TDRD9: variants seen among roughly 807,000 people sequenced by gnomAD.
The protein encoded by TDRD9 is tudor domain containing 9.
TDRD9 carries 124 observed loss-of-function variants against 172.6 expected under a neutral mutation model. The ratio of observed to expected loss-of-function variants is 0.72; its 90% confidence interval spans 0.62 to 0.83. TDRD9 has a LOEUF of 0.83. Ranked by LOEUF, TDRD9 falls within the 40% of genes least tolerant of loss-of-function variation. The pLI is 0.00. For synonymous variants in TDRD9, 619 were observed against 617.1 expected (o/e 1.00, Z -0.05); for missense variants, 1,479 against 1,714.1 (o/e 0.86, Z 2.42).
intron 6 of TDRD9, 114 bp from the exon 7 acceptor site, chr14:103,975,275 G>T: frequency 4.3e-6 from 4 of 935,526 alleles, no homozygotes; most frequent in Non-Finnish European, 4.7e-6. Context: ...TCTGTTTAAA[G>T]TCTCAAAAGT....
intron 4 of TDRD9, 107 bp from the exon 5 acceptor site, chr14:103,966,602 G>T: frequency 1.8e-6 from 2 of 1,130,110 alleles, no homozygotes; most frequent in Non-Finnish European, 2.4e-6. Flanking sequence ...TGTATCTTTC[G>T]AAATACCTTA....
At chr14:103,996,029 G>A (rs2034047754) in intron 12 of TDRD9, among the ~76,000 whole-genome samples, 1 of 152,138 alleles carries the variant, frequency 6.6e-6, no homozygotes, top group South Asian at 2.1e-4. Context: ...CTGGCTCGTC[G>A]GAAGTGTTTG....
At chr14:104,048,811 C>T (rs982186936) in intron 34 of TDRD9, among the ~76,000 whole-genome samples, 1 of 152,190 alleles carries the variant, frequency 6.6e-6, no homozygotes, top group Non-Finnish European at 1.5e-5. Context: ...GGGCTTTCCC[C>T]ATCTGTTTCC....
chr14:103,956,144 A>ATATATATATATATATATATATG (rs1178934138), intron 2 of TDRD9, among the ~76,000 whole-genome samples: 3 of 80,866 alleles, frequency 3.7e-5, no homozygotes, highest in African/African-American at 8.9e-5. Context: ...ATATATATAT[A>ATATATATATATATATATATATG]TATATAATTA....
chr14:103,971,603 CG>C (rs1222462903), intron 6 of TDRD9, among the ~76,000 whole-genome samples: 1 of 151,976 alleles, frequency 6.6e-6, no homozygotes, highest in African/African-American at 2.4e-5. Context: ...TGCACTTGGC[CG>C]GGCTGACTGT....
chr14:103,957,534 A>C (rs1226001801), intron 2 of TDRD9, among the ~76,000 whole-genome samples: 1 of 152,244 alleles, frequency 6.6e-6, no homozygotes, highest in Non-Finnish European at 1.5e-5. Flanking sequence ...TTGAATTGTT[A>C]CTTAATCTAT....
intron 1 of TDRD9, chr14:103,941,280 C>T: frequency 4.3e-6 from 4 of 940,092 alleles, no homozygotes; most frequent in Non-Finnish European, 4.6e-6. Flanking sequence ...AACAATTGCT[C>T]ACCAGACATC....
intron 2 of TDRD9, among the ~76,000 whole-genome samples, chr14:103,959,567 C>G (rs1428334195): frequency 2.0e-5 from 3 of 151,920 alleles, no homozygotes; most frequent in Non-Finnish European, 1.5e-5. Context: ...ACTGATGCCT[C>G]TAATTCCAGT....
chr14:103,999,643 A>ACATTTAATCTTTTAATATTCCT (rs1566771643), intron 13 of TDRD9, among the ~76,000 whole-genome samples: 3 of 130,570 alleles, frequency 2.3e-5, no homozygotes, highest in African/African-American at 5.9e-5. Context: ...TGTTTTTTAG[A>ACATTTAATCTTTTAATATTCCT]AAACCTTTTG....
intron 33 of TDRD9, among the ~76,000 whole-genome samples, chr14:104,041,148 C>T (rs1220161869): frequency 1.3e-5 from 2 of 152,164 alleles, no homozygotes; most frequent in East Asian, 1.9e-4. Context: ...GCCGATGCTC[C>T]GGGGGCAGGT....
chr14:103,939,019 T>A (rs940920802), intron 1 of TDRD9, among the ~76,000 whole-genome samples: 7 of 152,186 alleles, frequency 4.6e-5, no homozygotes, highest in African/African-American at 1.7e-4. Flanking sequence ...ATTAATTAAT[T>A]GCATGTGGGT....
At chr14:104,001,476 T>C (rs1209636858) in intron 13 of TDRD9, among the ~76,000 whole-genome samples, 1 of 152,224 alleles carries the variant, frequency 6.6e-6, no homozygotes, top group Non-Finnish European at 1.5e-5. Context: ...TTGAGGTTTT[T>C]CCAATTCTTG....
intron 34 of TDRD9, among the ~76,000 whole-genome samples, chr14:104,043,929 A>C (rs1048605285): frequency 3.9e-5 from 6 of 152,092 alleles, no homozygotes. Flanking sequence ...TCCTTCCCAT[A>C]AGATTAAGGG....
rs186380936 is a variant in TDRD9 at position 103,943,529 on chromosome 14, T to G, written c.216-12135T>G. 5.8e-4 allele frequency among the ~76,000 whole-genome samples: 87 copies of G among 150,964 alleles called. No homozygotes were observed. The East Asian group carries it at 0.016, about 28-fold the overall frequency. ...CACATACATTTCTTTTTTTTTTTTT[T>G]TTGTAGAAATAAGGTCTCCCTGTGT... is the stretch of plus-strand genomic sequence containing the variant. On this transcript the variant is annotated intron_variant, in intron 1 of 35. Coordinates refer to ENST00000409874, the MANE Select transcript of TDRD9 (RefSeq NM_153046.3).
rs372272171 is a variant in TDRD9 at position 104,007,161 on chromosome 14, C to T, written c.2009C>T (p.Thr670Ile). ...DCIALVEAFK[T>I]WKACRQTGEL... Reference sequence around the variant, plus strand: ...AAAGTTTGGATCCTTTATTTTCAGACATGGAAGGCTTGCAGACAGACAGGG... The same window carrying T: ...AAAGTTTGGATCCTTTATTTTCAGATATGGAAGGCTTGCAGACAGACAGGG... The change falls in exon 19 of 36, where the codon ACA becomes ATA. Residue 670 changes from threonine (T) to isoleucine (I), a missense_variant and splice_region_variant. Around this residue, in one of 3 missense-constraint regions of TDRD9, gnomAD observed 1,413 missense variants for 1,649.1 expected, o/e 0.86. Transcript: ENST00000409874. The T allele has an allele frequency of 6.2e-7, 1 of 1,613,566 alleles. No individual in the cohort carries two copies. The highest frequency in any genetic ancestry group is 8.5e-7 in the Non-Finnish European group (1 of 1,179,794).
intron 34 of TDRD9, among the ~76,000 whole-genome samples, chr14:104,043,195 T>G (rs1489845521): frequency 6.6e-6 from 1 of 151,738 alleles, no homozygotes; most frequent in Non-Finnish European, 1.5e-5. Context: ...GGCTAATTTT[T>G]AAATTTTTTA....
At chr14:103,994,306 C>G in intron 9 of TDRD9, 26 bp from the exon 10 acceptor site, 1 of 1,603,706 alleles carries the variant, frequency 6.2e-7, no homozygotes, top group Non-Finnish European at 8.5e-7. Flanking sequence ...ATGTTTATTT[C>G]CCTCCTCCAC....
intron 19 of TDRD9, 145 bp downstream of exon 19, chr14:104,007,349 C>G (rs1293443876): frequency 1.4e-6 from 1 of 717,028 alleles, no homozygotes; most frequent in African/African-American, 1.8e-5. Context: ...CACGGCTGTC[C>G]CAAGAGTGGC....
At chr14:103,991,123 C>T in intron 8 of TDRD9, 37 bp from the exon 9 acceptor site, 2 of 1,610,228 alleles carry the variant, frequency 1.2e-6, no homozygotes, top group Non-Finnish European at 1.7e-6. Context: ...CTGTTATTAG[C>T]CTTCATTAAT....
Sources: gnomAD v4.1 joint callset for allele counts (sites outside exome capture counted in the v4.1 genomes callset) on GRCh38, gnomAD v4.1.1 for gene constraint, gnomAD v4.1.1 regional missense constraint, MANE v1.5 for transcripts, NCBI Gene and HGNC (gene_info 2026-07-23, HGNC 2026-07-21) for gene names.